MCF2: variants seen among roughly 807,000 people sequenced by gnomAD.
MCF2 encodes the protein proto-oncogene DBL.
MCF2 carries 44 observed loss-of-function variants against 82.5 expected under a neutral mutation model. That is an observed-to-expected ratio of 0.53 (90% confidence interval 0.42 to 0.69). MCF2 has a LOEUF of 0.69. Among genes scored for constraint, MCF2 ranks in the 30% least tolerant of loss-of-function variants. The probability of loss-of-function intolerance (pLI) is 0.00; values close to 1 mark genes in which losing one functional copy is unlikely to be tolerated. For missense variants in MCF2, 623 were observed against 663.1 expected (o/e 0.94, Z 0.66); for synonymous variants, 217 against 224.9 (o/e 0.96, Z 0.32).
chrX:139,587,191 C>G (rs1160925327), intron 22 of MCF2, among the ~76,000 whole-genome samples: 1 of 111,115 alleles, frequency 9.0e-6, no homozygotes, highest in East Asian at 2.9e-4. Flanking sequence ...AGAACTCCAC[C>G]TTTTGGAATT....
rs143822190 is a variant in MCF2 at position 139,687,401 on chromosome X, G to A, written c.-45+20705C>T. Reference sequence around the variant, plus strand: ...GAGCTAACTGTCTCTGGAACAAGACGTCGAAGCAACAGAAAGAGGCACTGG... The same window carrying A: ...GAGCTAACTGTCTCTGGAACAAGACATCGAAGCAACAGAAAGAGGCACTGG... On this transcript the variant is annotated intron_variant, in intron 1 of 27. Transcript: ENST00000414978. Among the ~76,000 whole-genome samples the A allele has an allele frequency of 8.1e-3, 915 of 113,333 alleles. 11 individuals carry two copies. The highest frequency in any genetic ancestry group is 0.028 in the African/African-American group (878 of 31,248).
chrX:139,585,014 T>C (rs1817609607), intron 24 of MCF2, 52 bp downstream of exon 28: 1 of 884,121 alleles, frequency 1.1e-6, no homozygotes, highest in Admixed American at 2.5e-5. Flanking sequence ...TCCACCTATA[T>C]TTCATCAGTA....
chrX:139,585,814 C>T (rs770936707), intron 23 of MCF2, among the ~76,000 whole-genome samples: 17 of 112,176 alleles, frequency 1.5e-4, no homozygotes, highest in African/African-American at 5.5e-4. Context: ...TGCATAACTC[C>T]TGGAATGCAG....
intron 23 of MCF2, 64 bp downstream of exon 27, chrX:139,586,314 T>A (rs1928950294): frequency 1.2e-6 from 1 of 817,660 alleles, no homozygotes; most frequent in South Asian, 2.2e-5. Context: ...ATTTCCAAAT[T>A]AATAATACGA....
intron 24 of MCF2, among the ~76,000 whole-genome samples, chrX:139,582,764 T>C (rs1195933334): frequency 3.6e-5 from 4 of 111,576 alleles, no homozygotes; most frequent in African/African-American, 1.3e-4. Flanking sequence ...TATCTTCTGA[T>C]ACCATAGCTA....
At chrX:139,584,662 T>G (rs1287207983) in intron 24 of MCF2, among the ~76,000 whole-genome samples, 3 of 112,093 alleles carry the variant, frequency 2.7e-5, no homozygotes, top group African/African-American at 9.7e-5. Flanking sequence ...TTAAATCGTT[T>G]TTAATGTATA....
intron 1 of MCF2, among the ~76,000 whole-genome samples, chrX:139,653,896 T>C (rs188108549): frequency 9.0e-6 from 1 of 111,103 alleles, no homozygotes; most frequent in Non-Finnish European, 1.9e-5. Context: ...CAAGCAGTAT[T>C]TGTGTTTCTG....
intron 1 of MCF2, among the ~76,000 whole-genome samples, chrX:139,635,712 A>T (rs1933169295): frequency 9.0e-6 from 1 of 111,633 alleles, no homozygotes; most frequent in South Asian, 3.7e-4. Context: ...GAAATAATGA[A>T]TATAAAGGCA....
intron 1 of MCF2, among the ~76,000 whole-genome samples, chrX:139,635,052 C>T (rs987753359): frequency 1.8e-5 from 2 of 111,253 alleles, no homozygotes; most frequent in East Asian, 2.8e-4. Flanking sequence ...GCCATGATGG[C>T]GACAGAGCGA....
chrX:139,630,182 T>C (rs1373002897), intron 3 of MCF2, among the ~76,000 whole-genome samples: 1 of 112,075 alleles, frequency 8.9e-6, no homozygotes, highest in South Asian at 3.7e-4. Flanking sequence ...TTTTCCTTAT[T>C]CTATAAACTC....
chrX:139,589,885 G>A (rs745552961), exon 20 of MCF2: 9 of 1,194,850 alleles, frequency 7.5e-6, no homozygotes, highest in Non-Finnish European at 9.0e-6. Flanking sequence ...TCAAACTTGC[G>A]GTTATCACCT....
intron 4 of MCF2, among the ~76,000 whole-genome samples, chrX:139,628,628 G>T (rs753560890): frequency 9.0e-6 from 1 of 111,466 alleles, no homozygotes; most frequent in Non-Finnish European, 1.9e-5. Flanking sequence ...TAAAATAAAA[G>T]TTGGAAAAAA....
chrX:139,645,603 A>G (rs1933776126), upstream of MCF2: 5 of 1,201,522 alleles, frequency 4.2e-6, no homozygotes, highest in Admixed American at 2.2e-5. Flanking sequence ...AGAGAAGACC[A>G]TGTATCCAAT....
chrX:139,614,394 A>G (rs1243147741), intron 10 of MCF2, among the ~76,000 whole-genome samples: 1 of 111,655 alleles, frequency 9.0e-6, no homozygotes, highest in Non-Finnish European at 1.9e-5. Flanking sequence ...GAACCAAGTC[A>G]TATTTCACCA....
chrX:139,619,716 C>T lies in MCF2; in HGVS notation c.688-10G>A, dbSNP rs769139037. The T allele has an allele frequency of 7.3e-5, 82 of 1,117,683 alleles. No individual in the cohort carries two copies. The African/African-American group carries it at 9.5e-4, about 13-fold the overall frequency. The allele number at this position is 1,117,683 out of a possible 1,213,427, so 92.1% of individuals were successfully genotyped here. A position where few individuals can be genotyped will look rare whatever the true frequency, so the allele number is the denominator to read the frequency against. ...CAACTTCAGTCACAAGCTAAAAATA[C>T]GAAACAAAGAGGTTTTAAAAACATA... On this transcript the variant is annotated splice_polypyrimidine_tract_variant and intron_variant, in intron 6 of 24. Transcript: ENST00000370576.
chrX:139,684,112 A>G (rs1935067166), intron 1 of MCF2, among the ~76,000 whole-genome samples: 1 of 112,556 alleles, frequency 8.9e-6, no homozygotes, highest in South Asian at 3.7e-4. Context: ...GAGTATATAG[A>G]GAACTCTTAA....
chrX:139,631,781 T>C (rs1367769151), intron 2 of MCF2, among the ~76,000 whole-genome samples: 2 of 111,810 alleles, frequency 1.8e-5, no homozygotes, highest in Non-Finnish European at 3.8e-5. Context: ...TTTGCATTGT[T>C]AATGGTCCAG....
At chrX:139,707,176 T>A (rs865860636) in intron 1 of MCF2, among the ~76,000 whole-genome samples, 13 of 110,044 alleles carry the variant, frequency 1.2e-4, no homozygotes, top group Middle Eastern at 4.7e-3. Context: ...GAGTTTTCCT[T>A]AGGATCTTTT....
At chrX:139,661,221 G>A (rs774243405) in intron 1 of MCF2, among the ~76,000 whole-genome samples, 14 of 111,228 alleles carry the variant, frequency 1.3e-4, no homozygotes, top group Non-Finnish European at 2.5e-4. Flanking sequence ...GACTTTATAG[G>A]GACTGATATG....
Sources: gnomAD v4.1 joint callset for allele counts (sites outside exome capture counted in the v4.1 genomes callset) on GRCh38, gnomAD v4.1.1 for gene constraint, MANE v1.5 for transcripts, NCBI Gene and HGNC (gene_info 2026-07-23, HGNC 2026-07-21) for gene names.